Variants in PCDHGA10 observed in about 807,000 individuals in gnomAD.
PCDHGA10 encodes protocadherin gamma subfamily A, 10.
PCDHGA10 carries 42 observed loss-of-function variants against 59.5 expected under a neutral mutation model. The ratio of observed to expected loss-of-function variants is 0.71; its 90% CI spans 0.55 to 0.91. The LOEUF (loss-of-function observed/expected upper bound fraction) is 0.91, where lower values mean the gene tolerates loss of function less well. Ranked by LOEUF, PCDHGA10 falls within the 40% of genes least tolerant of loss-of-function variation. The pLI is 0.00. For synonymous variants in PCDHGA10, 511 were observed against 517.2 expected, an observed-to-expected ratio of 0.99 and a Z score of 0.16; for missense variants, 1,111 against 1,198.2, an observed-to-expected ratio of 0.93 and a Z score of 1.07.
intron 1 of PCDHGA10, chr5:141,478,188 C>T (rs770414950): frequency 4.3e-6 from 7 of 1,613,920 alleles, no homozygotes; most frequent in Non-Finnish European, 5.9e-6. Flanking sequence ...AAAAATCTCA[C>T]CTTTTATCTA....
rs758205179 is a variant in PCDHGA10 at position 141,477,813 on chromosome 5, A to G, written c.2437-16994A>G. ...ACTGATCGCAATGACAATGCCCCCC[A>G]GGTCCTATATCCTCGGCCAGGTGGG... On this transcript the variant is annotated intron_variant, in intron 1 of 3. Transcript: ENST00000398610. This position sits in a 1 kb window ranked among gnomAD's most constrained non-coding sequence, Gnocchi z 4.9. The G allele has an allele frequency of 8.1e-6, 13 of 1,614,002 alleles. No homozygotes were observed. The East Asian group carries it at 2.7e-4, about 33-fold the overall frequency.
intron 2 of PCDHGA10, among the ~76,000 whole-genome samples, chr5:141,504,948 T>C (rs1044527570): frequency 2.0e-5 from 3 of 152,080 alleles, no homozygotes; most frequent in Admixed American, 1.3e-4. Flanking sequence ...GAATGCACTA[T>C]GTTCAATGCA....
intron 1 of PCDHGA10, among the ~76,000 whole-genome samples, chr5:141,420,877 G>T (rs566962587): frequency 3.9e-5 from 6 of 152,338 alleles, no homozygotes; most frequent in African/African-American, 1.4e-4. Context: ...TGTAAGTATT[G>T]TGTATCATCG....
At chr5:141,503,229 T>C (rs986982708) in intron 2 of PCDHGA10, among the ~76,000 whole-genome samples, 1 of 152,080 alleles carries the variant, frequency 6.6e-6, no homozygotes, top group African/African-American at 2.4e-5. Context: ...ACCGTAAAGA[T>C]GGACAGTTTC....
chr5:141,422,406 T>C, intron 1 of PCDHGA10: 1 of 1,601,224 alleles, frequency 6.2e-7, no homozygotes, highest in South Asian at 1.1e-5. Context: ...ACCTGCCTTT[T>C]AAATTAGAAA....
chr5:141,447,541 A>G (rs2098542324), intron 1 of PCDHGA10, among the ~76,000 whole-genome samples: 1 of 152,218 alleles, frequency 6.6e-6, no homozygotes, highest in Non-Finnish European at 1.5e-5. Flanking sequence ...TTGGGTTTTA[A>G]TGTTATGAGT....
At chr5:141,433,662 C>T (rs1377052782) in intron 1 of PCDHGA10, among the ~76,000 whole-genome samples, 1 of 151,950 alleles carries the variant, frequency 6.6e-6, no homozygotes, top group Non-Finnish European at 1.5e-5. Context: ...ATGGAGAAAC[C>T]CCGTCTATAC....
chr5:141,511,288 C>G lies in PCDHGA10; in HGVS notation c.*115C>G. ...CTAACCCCCAGAATACTGGTAGGGG[C>G]CAAGGCCATGCTCCCCTTGGGAAAC... On this transcript the variant is annotated 3_prime_UTR_variant, in exon 4 of 4. Transcript: ENST00000398610. 6.6e-7 allele frequency: 1 copy of G among 1,518,266 alleles called. No homozygotes were observed. The highest frequency in any genetic ancestry group is 8.9e-7 in the Non-Finnish European group (1 of 1,129,706). The allele number at this position is 1,518,266 out of a possible 1,614,324, so 94.0% of individuals were successfully genotyped here.
chr5:141,478,092 C>T (rs2099429960), intron 1 of PCDHGA10: 1 of 1,614,156 alleles, frequency 6.2e-7, no homozygotes, highest in Non-Finnish European at 8.5e-7. Flanking sequence ...CTCTCCACCA[C>T]TGCTACCCTC....
At chr5:141,433,691 G>A (rs2097644575) in intron 1 of PCDHGA10, among the ~76,000 whole-genome samples, 1 of 152,044 alleles carries the variant, frequency 6.6e-6, no homozygotes, top group Non-Finnish European at 1.5e-5. Flanking sequence ...TACAAAATTA[G>A]CCGGGCGTGG....
At chr5:141,438,400 T>C (rs2154557880) in intron 1 of PCDHGA10, among the ~76,000 whole-genome samples, 1 of 151,918 alleles carries the variant, frequency 6.6e-6, no homozygotes, top group Non-Finnish European at 1.5e-5. Context: ...TCATTAACTC[T>C]CTGAAGTATT....
chr5:141,489,951 T>C lies in PCDHGA10; in HGVS notation c.2437-4856T>C. On this transcript the variant is annotated intron_variant, in intron 1 of 3. Coordinates refer to ENST00000398610, the MANE Select transcript of PCDHGA10 (RefSeq NM_018913.3). The surrounding 1 kb of genome is among the most constrained non-coding windows in gnomAD (Gnocchi z 4.5). ...CTGTCATCGTGCTGGACATCAATGATAATGCTCCAACCTTCCAATCCTCAG... is the reference window on the plus strand; with the variant it reads ...CTGTCATCGTGCTGGACATCAATGACAATGCTCCAACCTTCCAATCCTCAG... 6.2e-7 allele frequency: 1 copy of C among 1,614,210 alleles called. No homozygotes were observed. Among genetic ancestry groups the C allele is most frequent in the Non-Finnish European group, 8.5e-7 (1 of 1,180,032 alleles).
Position 141,432,195 on chromosome 5 carries a change from C to A in PCDHGA10, c.2436+16584C>A, listed in dbSNP as rs1334965321. ...CTCGTCTCTGTGACCGCCCACGACC[C>A]CGACTGTGAAGAGAACGCCCAGATC... On this transcript the variant is annotated intron_variant, in intron 1 of 3. Transcript: ENST00000398610. This position sits in a 1 kb window ranked among gnomAD's most constrained non-coding sequence, Gnocchi z 6.0. 22 of 1,614,088 alleles carry A rather than the reference C, an allele frequency of 1.4e-5. No homozygotes were observed. The highest frequency in any genetic ancestry group is 1.9e-5 in the Non-Finnish European group (22 of 1,180,058).
chr5:141,478,352 G>T lies in PCDHGA10; in HGVS notation c.2437-16455G>T, dbSNP rs767743120. 36 of 1,613,674 alleles carry T rather than the reference G, an allele frequency of 2.2e-5. No homozygotes were observed. Among genetic ancestry groups the T allele is most frequent in the Non-Finnish European group, 3.1e-5 (36 of 1,180,016 alleles). On this transcript the variant is annotated intron_variant, in intron 1 of 3. Transcript: ENST00000398610. ...ACCAGGGCCCTCCTTGCACGCGGACGCCGTGCGGGGAGGCCTGATGTCGCC... is the reference window on the plus strand; with the variant it reads ...ACCAGGGCCCTCCTTGCACGCGGACTCCGTGCGGGGAGGCCTGATGTCGCC...
At chr5:141,435,510 T>C (rs72790047) in intron 1 of PCDHGA10, among the ~76,000 whole-genome samples, 9,714 of 152,280 alleles carry the variant, frequency 0.064, 363 homozygotes, top group African/African-American at 0.099. Context: ...ATGATACTAA[T>C]GATGACTTTG....
chr5:141,492,230 C>T (rs1286145654), intron 1 of PCDHGA10, among the ~76,000 whole-genome samples: 1 of 152,196 alleles, frequency 6.6e-6, no homozygotes. Flanking sequence ...CGTGTCCTCC[C>T]TGCTGGCCAC....
In PCDHGA10 at chr5:141,489,432, G is replaced by A. The variant is rs2099687138; in HGVS notation, c.2437-5375G>A. ...TGACAGATCTGTTGAGCCGGCGGCTGCAATTGGGCTCTGAGGAGAATGGGC... is the reference window on the plus strand; with the variant it reads ...TGACAGATCTGTTGAGCCGGCGGCTACAATTGGGCTCTGAGGAGAATGGGC... On this transcript the variant is annotated intron_variant, in intron 1 of 3. Transcript: ENST00000398610. The surrounding 1 kb of genome is among the most constrained non-coding windows in gnomAD (Gnocchi z 4.5). 3.1e-6 allele frequency: 5 copies of A among 1,614,166 alleles called. No individual in the cohort carries two copies. Among genetic ancestry groups the A allele is most frequent in the Non-Finnish European group, 4.2e-6 (5 of 1,180,036 alleles).
chr5:141,486,608 G>A lies in PCDHGA10; in HGVS notation c.2437-8199G>A. On this transcript the variant is annotated intron_variant, in intron 1 of 3. Transcript: ENST00000398610. The surrounding 1 kb of genome is among the most constrained non-coding windows in gnomAD (Gnocchi z 5.0). ...AGGGGACCTGCTTTGCTCCCTTGCAGCCTCTGACCCAGACTCTGGCTTGAA... is the reference window on the plus strand; with the variant it reads ...AGGGGACCTGCTTTGCTCCCTTGCAACCTCTGACCCAGACTCTGGCTTGAA... 3 of 1,613,546 alleles carry A rather than the reference G, an allele frequency of 1.9e-6. No homozygotes were observed. The highest frequency in any genetic ancestry group is 2.5e-6 in the Non-Finnish European group (3 of 1,180,024).
intron 1 of PCDHGA10, chr5:141,418,820 G>A: frequency 6.2e-7 from 1 of 1,613,918 alleles, no homozygotes. Flanking sequence ...AAACATAGAA[G>A]CAAAAGACCG....
Sources: gnomAD v4.1 joint callset for allele counts (sites outside exome capture counted in the v4.1 genomes callset) on GRCh38, gnomAD v4.1.1 for gene constraint, Gnocchi (gnomAD v3.1) non-coding constraint, MANE v1.5 for transcripts, NCBI Gene and HGNC (gene_info 2026-07-23, HGNC 2026-07-21) for gene names.